The following CUZD1 variants were observed in gnomAD, a reference collection of about 807,000 sequenced individuals.
The protein encoded by CUZD1 is CUB and zona pellucida like domains 1.
A neutral mutation model predicts 53.1 loss-of-function variants in CUZD1; 42 were observed. The observed-to-expected ratio is 0.79, with a 90% CI of 0.62 to 1.02. The LOEUF is 1.02. CUZD1 is among the 50% of genes least tolerant of loss of function. The pLI, the probability that CUZD1 is intolerant of heterozygous loss-of-function variation, is 0.00. For missense variants in CUZD1, 670 were observed against 715.7 expected (o/e 0.94, Z 0.73); for synonymous variants, 238 against 257.2 (o/e 0.93, Z 0.71).
chr10:122,836,882 G>A lies in CUZD1; in HGVS notation c.766C>T (p.Arg256Trp), dbSNP rs558489122. ...GAGGTGTAGGAAGCAGAAAATCCCC[G>A]GTAAGAATTGGCATAATCTGTAGAC... ...VLSTDYANSY[R>W]GFSASYTSIY... The change falls in exon 5 of 9, where the codon CGG becomes TGG. Residue 256 changes from arginine to tryptophan, a missense_variant. Transcript: ENST00000392790. The A allele has an allele frequency of 2.2e-5, 35 of 1,613,998 alleles. No homozygotes were observed. The African/African-American group carries it at 2.9e-4, about 14-fold the overall frequency.
chr10:122,833,734 T>C lies in CUZD1; in HGVS notation c.1589A>G (p.Lys530Arg). 6 of 1,614,014 alleles carry C rather than the reference T, an allele frequency of 3.7e-6. No homozygotes were observed. Among genetic ancestry groups the C allele is most frequent in the Non-Finnish European group, 5.1e-6 (6 of 1,179,968 alleles). The change falls in exon 8 of 9, where the codon AAA becomes AGA. Residue 530 changes from lysine to arginine, a missense_variant. Transcript: ENST00000392790. ...SKRDISSYKW[K>R]TDSIIGPIRL... ...AATGGGTCCTATGATGGAATCTGTTTTCCATTTATATGAAGAAATGTCTCG... is the reference window on the plus strand; with the variant it reads ...AATGGGTCCTATGATGGAATCTGTTCTCCATTTATATGAAGAAATGTCTCG...
At chr10:122,834,633 A>G in intron 7 of CUZD1, 73 bp downstream of exon 7, 1 of 1,328,272 alleles carries the variant, frequency 7.5e-7, no homozygotes. Flanking sequence ...ACACAACACA[A>G]AAAATTACTT....
Position 122,832,431 on chromosome 10 carries a change from A to C in CUZD1, c.1671T>G (p.His557Gln). 6.2e-7 allele frequency: 1 copy of C among 1,613,894 alleles called. No individual in the cohort carries two copies. The highest frequency in any genetic ancestry group is 8.5e-7 in the Non-Finnish European group (1 of 1,179,878). ...SGNSGFQHET[H>Q]AEETPNQPFN... ...AAGGCTGGTTTGGAGTTTCTTCCGC[A>C]TGTGTTTCATGCTGAAATCCTAAAA... The change falls in exon 9 of 9, where the codon CAT becomes CAG. Residue 557 changes from histidine (H) to glutamine (Q), a missense_variant. Coordinates refer to ENST00000392790, the MANE Select transcript of CUZD1 (RefSeq NM_022034.6).
chr10:122,837,280 C>A (rs528035701), intron 4 of CUZD1, 124 bp downstream of exon 4: 1 of 1,040,630 alleles, frequency 9.6e-7, no homozygotes, highest in Non-Finnish European at 1.4e-6. Context: ...TTCCTTTCTA[C>A]ATCAATTCTT....
At chr10:122,839,791 T>C (rs1189829486) in intron 2 of CUZD1, among the ~76,000 whole-genome samples, 2 of 152,204 alleles carry the variant, frequency 1.3e-5, no homozygotes, top group Non-Finnish European at 2.9e-5. Context: ...ACAGGGTCTC[T>C]CCAAATATCC....
At position 122,845,772 on chromosome 10, in the gene CUZD1, C is replaced by T. The variant is rs200310261; in HGVS notation, c.72G>A (p.Ala24=). 27 of 1,613,702 alleles carry T rather than the reference C, an allele frequency of 1.7e-5. No homozygotes were observed. Among genetic ancestry groups the T allele is most frequent in the Admixed American group, 6.7e-5 (4 of 60,006 alleles). The change falls in exon 1 of 9, where the codon GCG becomes GCA. Residue 24 remains alanine (A), a synonymous_variant. Transcript: ENST00000392790. ...ILSCLAELTM[A]EAEGNASCTV... is the part of the protein sequence containing the mutation. The stretch of plus-strand genomic sequence containing the variant: ...GTTCAATTTTCTTACCTTCAGCCTC[C>T]GCCATTGTCAGCTCCGCCAAACAGG...
Position 122,837,453 on chromosome 10 carries a change from T to C in CUZD1, c.550A>G (p.Ile184Val). Residue 184 changes from isoleucine to valine, a missense_variant, in exon 4 of 9, where the codon ATA (isoleucine) becomes GTA (valine). Transcript: ENST00000392790. The part of the protein sequence containing the change: ...HPELAYCVWH[I>V]QVEKDYKIKL... Reference sequence around the variant, plus strand: ...ATCTTGTAATCTTTCTCCACTTGTATGTGCCACACACAATAAGCCAGCTCA... The same window carrying C: ...ATCTTGTAATCTTTCTCCACTTGTACGTGCCACACACAATAAGCCAGCTCA... 1 of 1,614,142 alleles carries C rather than the reference T, an allele frequency of 6.2e-7. No individual in the cohort carries two copies.
chr10:122,833,609 G>C, intron 8 of CUZD1, 63 bp downstream of exon 8: 1 of 1,536,054 alleles, frequency 6.5e-7, no homozygotes, highest in East Asian at 2.3e-5. Context: ...AGAGTTACTG[G>C]ATTTGAGCAG....
Position 122,841,339 on chromosome 10 carries a change from T to C in CUZD1, c.83-11A>G, listed in dbSNP as rs768726266. The C allele has an allele frequency of 1.3e-6, 2 of 1,585,566 alleles. No individual in the cohort carries two copies. The highest frequency in any genetic ancestry group is 3.6e-5 in the Admixed American group (2 of 55,240). On this transcript the variant is annotated splice_polypyrimidine_tract_variant and intron_variant, in intron 1 of 8. Transcript: ENST00000392790. ...TGCAGCTTGCATTGCCTGTTAGAGA[T>C]CACAGATGGCACTCAGGAAAGTCAA...
intron 8 of CUZD1, 36 bp downstream of exon 8, chr10:122,833,636 A>C (rs748037427): frequency 2.1e-5 from 34 of 1,598,202 alleles, no homozygotes; most frequent in Non-Finnish European, 2.8e-5. Flanking sequence ...ATGAGCCATG[A>C]TGTGCTTTTG....
chr10:122,833,897 G>A lies in CUZD1; in HGVS notation c.1426C>T (p.His476Tyr), dbSNP rs1160219009. The A allele has an allele frequency of 3.1e-6, 5 of 1,613,048 alleles. No homozygotes were observed. Among genetic ancestry groups the A allele is most frequent in the South Asian group, 1.1e-5 (1 of 91,056 alleles). The change falls in exon 8 of 9, where the codon CAC (histidine) becomes TAC (tyrosine). Residue 476 changes from histidine to tyrosine, a missense_variant. Coordinates refer to ENST00000392790, the MANE Select transcript of CUZD1 (RefSeq NM_022034.6). ...ETCKVYPLFG[H>Y]YGRFQFNAFK... ...GCATTAAACTGGAATCTCCCATAGT[G>A]TCCAAATAAGGGATACACCTTACAA...
In CUZD1 at chr10:122,837,023, A is replaced by T. The variant is rs1399545593; in HGVS notation, c.625T>A (p.Phe209Ile). ...IFLEIDKQCK[F>I]DFLAIYDGPS... ...CCATCATAGATGGCAAGAAAATCAA[A>T]TTTGCACTGTTTGTCTATTTCTAGG... The change falls in exon 5 of 9, where the codon TTT becomes ATT. Residue 209 changes from phenylalanine to isoleucine, a missense_variant. Phe to Ile is a conservative substitution (Grantham distance 21, BLOSUM62 0). Coordinates refer to ENST00000392790, the MANE Select transcript of CUZD1 (RefSeq NM_022034.6). The T allele has an allele frequency of 1.2e-6, 2 of 1,613,354 alleles. No individual in the cohort carries two copies. Among genetic ancestry groups the T allele is most frequent in the Non-Finnish European group, 1.7e-6 (2 of 1,179,456 alleles).
At chr10:122,832,847 T>C in intron 8 of CUZD1, among the ~76,000 whole-genome samples, 1 of 152,352 alleles carries the variant, frequency 6.6e-6, no homozygotes, top group Middle Eastern at 3.4e-3. Flanking sequence ...CTCATATTGA[T>C]GGTATTTCCA....
intron 5 of CUZD1, 40 bp downstream of exon 5, chr10:122,836,791 G>A (rs757939472): frequency 4.0e-6 from 6 of 1,508,966 alleles, no homozygotes; most frequent in East Asian, 2.3e-5. Context: ...TGCAATCTTC[G>A]AAGAGCTCAA....
intron 2 of CUZD1, 34 bp downstream of exon 2, chr10:122,841,144 T>C (rs1340070009): frequency 1.3e-6 from 2 of 1,587,996 alleles, no homozygotes; most frequent in East Asian, 2.2e-5. Context: ...CAGAGTTCGA[T>C]ATCCCTTATT....
At chr10:122,834,624 C>A in intron 7 of CUZD1, 82 bp downstream of exon 7, 3 of 1,215,306 alleles carry the variant, frequency 2.5e-6, no homozygotes, top group South Asian at 2.0e-5. Flanking sequence ...TGTATATATA[C>A]ACAACACAAA....
At chr10:122,837,121 C>A in intron 4 of CUZD1, 73 bp from the exon 5 acceptor site, 1 of 1,175,390 alleles carries the variant, frequency 8.5e-7, no homozygotes, top group Non-Finnish European at 1.2e-6. Context: ...TCCCAACAAT[C>A]CTACTCTTAA....
chr10:122,834,581 A>G, intron 7 of CUZD1, 125 bp downstream of exon 7: 2 of 604,082 alleles, frequency 3.3e-6, no homozygotes, highest in East Asian at 6.2e-5. Context: ...ATTAGAATAA[A>G]TGTAATGAAA....
chr10:122,838,565 G>C (rs1220764815), intron 3 of CUZD1, among the ~76,000 whole-genome samples: 4 of 152,192 alleles, frequency 2.6e-5, no homozygotes, highest in Admixed American at 2.6e-4. Context: ...TTGTTAAACA[G>C]GAAGGTTCAA....
Sources: gnomAD v4.1 joint callset for allele counts (sites outside exome capture counted in the v4.1 genomes callset) on GRCh38, gnomAD v4.1.1 for gene constraint, MANE v1.5 for transcripts, NCBI Gene and HGNC (gene_info 2026-07-23, HGNC 2026-07-21) for gene names.